TLL1: variants seen among roughly 807,000 people sequenced by gnomAD.
The protein encoded by TLL1 is tolloid-like protein 1.
TLL1 carries 49 observed loss-of-function variants against 128.2 expected under a neutral mutation model. The observed-to-expected ratio is 0.38, with a 90% CI of 0.30 to 0.48. The LOEUF is 0.48. TLL1 is among the 20% of genes least tolerant of loss of function. TLL1 has a pLI of 0.96. For missense variants in TLL1, 1,123 were observed against 1,242.0 expected, an observed-to-expected ratio of 0.90 and a Z score of 1.44; for synonymous variants, 454 against 418.8, an observed-to-expected ratio of 1.08 and a Z score of -1.03.
intron 1 of TLL1, among the ~76,000 whole-genome samples, chr4:165,959,801 G>C (rs150701816): frequency 4.2e-4 from 64 of 152,176 alleles, no homozygotes; most frequent in African/African-American, 1.5e-3. Context: ...AGTGAAAACG[G>C]AGACACAACA....
chr4:165,874,586 G>A (rs1175845654), intron 1 of TLL1, among the ~76,000 whole-genome samples: 1 of 152,194 alleles, frequency 6.6e-6, no homozygotes, highest in East Asian at 1.9e-4. Flanking sequence ...AATTTCAAGT[G>A]TGGGTTCCAG....
chr4:165,880,692 C>G (rs1579435276), intron 1 of TLL1, among the ~76,000 whole-genome samples: 1 of 152,176 alleles, frequency 6.6e-6, no homozygotes. Flanking sequence ...TATATTTACT[C>G]TCAGCATTTT....
chr4:165,968,184 A>G (rs534270543), intron 1 of TLL1, among the ~76,000 whole-genome samples: 16 of 152,308 alleles, frequency 1.1e-4, no homozygotes, highest in Admixed American at 1.0e-3. Context: ...TTCCCTGAAC[A>G]AGAGTTTTGT....
intron 17 of TLL1, among the ~76,000 whole-genome samples, chr4:166,077,187 C>A (rs1026534435): frequency 3.3e-5 from 5 of 150,912 alleles, no homozygotes; most frequent in Non-Finnish European, 5.9e-5. Flanking sequence ...TTAACATTAA[C>A]CATGTGGAAT....
chr4:165,995,402 T>A (rs914925183), intron 5 of TLL1, among the ~76,000 whole-genome samples: 1 of 152,202 alleles, frequency 6.6e-6, no homozygotes, highest in Admixed American at 6.5e-5. Flanking sequence ...CCTCAGTTAC[T>A]TTCTAACAAT....
chr4:166,074,827 C>T, intron 16 of TLL1, 51 bp from the exon 17 acceptor site: 1 of 1,606,914 alleles, frequency 6.2e-7, no homozygotes, highest in Non-Finnish European at 8.5e-7. Context: ...CCTTTGATAT[C>T]CTCTGTTTTT....
chr4:166,043,521 T>A, intron 12 of TLL1, 102 bp downstream of exon 12: 1 of 1,539,114 alleles, frequency 6.5e-7, no homozygotes, highest in Non-Finnish European at 9.0e-7. Flanking sequence ...AGAGTCAGCC[T>A]TTTAATCAGC....
At chr4:166,087,422 C>G (rs985798039) in intron 18 of TLL1, among the ~76,000 whole-genome samples, 1 of 152,086 alleles carries the variant, frequency 6.6e-6, no homozygotes, top group South Asian at 2.1e-4. Context: ...GGTTTGTACT[C>G]CATGACGCCA....
chr4:165,901,537 A>C (rs1429654054), intron 1 of TLL1, among the ~76,000 whole-genome samples: 3 of 152,036 alleles, frequency 2.0e-5, no homozygotes, highest in Non-Finnish European at 4.4e-5. Flanking sequence ...CTGGAGGTCC[A>C]CTCCAGACCC....
At position 166,103,312 on chromosome 4, in the gene TLL1, A is replaced by G. The variant is rs1742371456; in HGVS notation, c.*2436A>G. On this transcript the variant is annotated 3_prime_UTR_variant, in exon 21 of 21. Transcript: ENST00000061240. ...GCATTTTGCTCTTTTTAAGAACAGC[A>G]TGAAATTTAGAATACCAATGATAGC... The G allele has an allele frequency of 6.6e-6, 1 of 151,616 alleles. No individual in the cohort carries two copies. Among genetic ancestry groups the G allele is most frequent in the Non-Finnish European group, 1.5e-5 (1 of 67,880 alleles). 9.4% of individuals were successfully genotyped at this position (151,616 alleles called of 1,614,324 possible).
chr4:165,898,765 C>T (rs766523935), intron 1 of TLL1, among the ~76,000 whole-genome samples: 3 of 152,184 alleles, frequency 2.0e-5, no homozygotes, highest in Non-Finnish European at 2.9e-5. Flanking sequence ...GGAGGAATCC[C>T]TCCTTTTCTA....
intron 13 of TLL1, 144 bp from the exon 14 acceptor site, chr4:166,057,040 C>G (rs1740044792): frequency 1.2e-6 from 1 of 830,638 alleles, no homozygotes; most frequent in Non-Finnish European, 2.0e-6. Context: ...TCAGTTACCT[C>G]TCACCAGGTC....
At chr4:166,045,451 A>G (rs189834555) in intron 12 of TLL1, among the ~76,000 whole-genome samples, 62 of 152,162 alleles carry the variant, frequency 4.1e-4, no homozygotes, top group African/African-American at 1.1e-3. Context: ...TTTGTCTTCA[A>G]ACTATACCTC....
chr4:165,936,562 T>C (rs1733772458), intron 1 of TLL1, among the ~76,000 whole-genome samples: 1 of 152,190 alleles, frequency 6.6e-6, no homozygotes, highest in Admixed American at 6.5e-5. Flanking sequence ...TGTATAGTTA[T>C]AATGCCCAGA....
chr4:166,069,909 G>T (rs1433562415), intron 16 of TLL1, among the ~76,000 whole-genome samples: 1 of 151,538 alleles, frequency 6.6e-6, no homozygotes, highest in Non-Finnish European at 1.5e-5. Context: ...TTATTCCAGG[G>T]TATATTTAAA....
intron 1 of TLL1, among the ~76,000 whole-genome samples, chr4:165,986,250 A>G (rs966645457): frequency 2.6e-5 from 4 of 152,108 alleles, no homozygotes; most frequent in African/African-American, 9.7e-5. Context: ...CCTAATACAT[A>G]TGAGTATAAA....
At chr4:165,875,120 G>T (rs1456170043) in intron 1 of TLL1, 2 of 152,474 alleles carry the variant, frequency 1.3e-5, no homozygotes, top group Non-Finnish European at 2.9e-5. Context: ...CGGAAGGCAC[G>T]TTAGGTTCCA....
intron 1 of TLL1, among the ~76,000 whole-genome samples, chr4:165,902,477 C>T (rs1365353930): frequency 6.6e-6 from 1 of 152,096 alleles, no homozygotes; most frequent in Non-Finnish European, 1.5e-5. Flanking sequence ...AGTATTTGAG[C>T]CAGAATGCAC....
intron 8 of TLL1, among the ~76,000 whole-genome samples, chr4:166,021,203 T>C (rs557726069): frequency 4.0e-5 from 6 of 151,594 alleles, no homozygotes; most frequent in African/African-American, 1.2e-4. Context: ...GATTCTTGGC[T>C]AAACTATATT....
Sources: allele counts gnomAD v4.1 joint callset (sites outside exome capture counted in the v4.1 genomes callset), GRCh38; gene constraint gnomAD v4.1.1; transcripts MANE v1.5; gene names NCBI Gene and HGNC (gene_info 2026-07-23, HGNC 2026-07-21).